Variants in TBK1 observed in about 807,000 individuals in gnomAD.
TBK1 encodes serine/threonine-protein kinase TBK1.
A neutral mutation model predicts 99.9 loss-of-function variants in TBK1; 37 were observed. The ratio of observed to expected loss-of-function variants is 0.37; its 90% confidence interval spans 0.28 to 0.49. TBK1 has a LOEUF of 0.49. Ranked by LOEUF, TBK1 falls within the 20% of genes least tolerant of loss-of-function variation. The pLI is 0.98. For missense variants in TBK1, 644 were observed against 872.5 expected (o/e 0.74, Z 3.30); for synonymous variants, 258 against 279.8 (o/e 0.92, Z 0.78).
intron 1 of TBK1, among the ~76,000 whole-genome samples, chr12:64,455,137 CACCAT>C (rs1254031737): frequency 6.6e-6 from 1 of 151,816 alleles, no homozygotes; most frequent in African/African-American, 2.4e-5. Context: ...AGGCACCTGC[CACCAT>C]ACCTGGCTAA....
intron 1 of TBK1, chr12:64,452,472 G>C (rs1012790687): frequency 1.7e-4 from 26 of 152,290 alleles, no homozygotes; most frequent in African/African-American, 4.8e-5. Context: ...GCGCCGCGCG[G>C]CCGGTCCTCG....
At chr12:64,484,714 T>G (rs2040801619) in intron 9 of TBK1, among the ~76,000 whole-genome samples, 1 of 152,100 alleles carries the variant, frequency 6.6e-6, no homozygotes, top group African/African-American at 2.4e-5. Context: ...ATTGCACCAC[T>G]GCACTCCAGC....
At chr12:64,464,584 A>G (rs945194779) in intron 4 of TBK1, 121 bp downstream of exon 4, 3 of 726,370 alleles carry the variant, frequency 4.1e-6, no homozygotes, top group Non-Finnish European at 5.9e-6. Context: ...TATGACACCA[A>G]AAGCACAAAT....
At chr12:64,493,095 C>T (rs932341502) in intron 13 of TBK1, among the ~76,000 whole-genome samples, 4 of 151,692 alleles carry the variant, frequency 2.6e-5, no homozygotes, top group East Asian at 2.0e-4. Context: ...GGGGTTTCAC[C>T]GTATTAGCCA....
chr12:64,457,383 G>A (rs753709049), intron 2 of TBK1, among the ~76,000 whole-genome samples: 6 of 152,108 alleles, frequency 3.9e-5, no homozygotes, highest in Non-Finnish European at 7.4e-5. Context: ...TGGGTACTCC[G>A]TCCTAGAAAT....
rs566737980 is a variant in TBK1 at position 64,462,588 on chromosome 12, G to GT, written c.229-1736dup. 3.6e-4 allele frequency among the ~76,000 whole-genome samples: 54 copies of GT among 148,792 alleles called. No homozygotes were observed. In the East Asian group the frequency reaches 4.3e-3, roughly 12 times the overall value. On this transcript the variant is annotated intron_variant, in intron 3 of 20. Coordinates refer to ENST00000331710, the MANE Select transcript of TBK1 (RefSeq NM_013254.4). ...CATACATTATCATTTAAAAGCAACAGTTTTTTTTTTCTACTATGATTATTT... is the reference window on the plus strand; with the variant it reads ...CATACATTATCATTTAAAAGCAACAGTTTTTTTTTTTCTACTATGATTATTT...
intron 2 of TBK1, among the ~76,000 whole-genome samples, 196 bp from the exon 3 acceptor site, chr12:64,459,993 G>A (rs1411031543): frequency 2.6e-5 from 4 of 152,154 alleles, no homozygotes; most frequent in Non-Finnish European, 2.9e-5. Flanking sequence ...GGTGTAATTT[G>A]AAAGAAATGT....
At chr12:64,487,989 T>A (rs530752601) in intron 11 of TBK1, among the ~76,000 whole-genome samples, 1 of 152,218 alleles carries the variant, frequency 6.6e-6, no homozygotes, top group Non-Finnish European at 1.5e-5. Flanking sequence ...GAAATACTCA[T>A]TGGAACATTT....
Position 64,496,935 on chromosome 12 carries a change from T to C in TBK1, c.1761-14T>C. 6.3e-7 allele frequency: 1 copy of C among 1,590,052 alleles called. No homozygotes were observed. The highest frequency in any genetic ancestry group is 8.6e-7 in the Non-Finnish European group (1 of 1,163,318). ...TGACATTGGTTTAAGCCTCTGATTA[T>C]TTCTAAATTACAGGCAAAAACTGTA... On this transcript the variant is annotated splice_polypyrimidine_tract_variant and intron_variant, in intron 16 of 20. Transcript: ENST00000331710.
chr12:64,452,363 C>T (rs1327162921), intron 1 of TBK1, 176 bp downstream of exon 1: 1 of 152,342 alleles, frequency 6.6e-6, no homozygotes. Context: ...CCAAGCCATC[C>T]AGGACCCCGG....
At position 64,460,305 on chromosome 12, in the gene TBK1, C is replaced by T. The variant is rs777037017; in HGVS notation, c.204C>T (p.Val68=). The T allele has an allele frequency of 1.3e-6, 2 of 1,565,568 alleles. No individual in the cohort carries two copies. Among genetic ancestry groups the T allele is most frequent in the Non-Finnish European group, 1.7e-6 (2 of 1,153,416 alleles). ...VLKKLNHKNI[V]KLFAIEEETT... is the part of the protein sequence containing the mutation. Reference sequence around the variant, plus strand: ...AAAAACTCAATCACAAAAATATTGTCAAATTATTTGCTATTGAAGAGGAGG... The same window carrying T: ...AAAAACTCAATCACAAAAATATTGTTAAATTATTTGCTATTGAAGAGGAGG... The change falls in exon 3 of 21, where the codon GTC becomes GTT. Residue 68 remains valine, a synonymous_variant. Coordinates refer to ENST00000331710, the MANE Select transcript of TBK1 (RefSeq NM_013254.4).
At chr12:64,466,359 G>GA (rs1049816723) in intron 4 of TBK1, among the ~76,000 whole-genome samples, 5 of 151,994 alleles carry the variant, frequency 3.3e-5, no homozygotes, top group African/African-American at 1.2e-4. Context: ...GAAAAAAGAA[G>GA]AAAAAATGGG....
At chr12:64,476,090 A>T in intron 6 of TBK1, among the ~76,000 whole-genome samples, 1 of 134,386 alleles carries the variant, frequency 7.4e-6, no homozygotes. Context: ...TGCAGTTTTG[A>T]TTTGCATCTC....
intron 11 of TBK1, among the ~76,000 whole-genome samples, chr12:64,487,075 T>A (rs978339180): frequency 2.0e-5 from 3 of 152,386 alleles, no homozygotes; most frequent in Non-Finnish European, 2.9e-5. Context: ...TTAAGTAGTT[T>A]CTTCCTGAAA....
chr12:64,455,722 C>T (rs2040479419), intron 1 of TBK1, 118 bp from the exon 2 acceptor site: 1 of 610,486 alleles, frequency 1.6e-6, no homozygotes. Flanking sequence ...ACTGTTTATA[C>T]ACTTCATGTC....
intron 13 of TBK1, among the ~76,000 whole-genome samples, chr12:64,494,233 G>T (rs889729458): frequency 1.3e-5 from 2 of 152,036 alleles, no homozygotes; most frequent in Admixed American, 6.6e-5. Flanking sequence ...AGGCCAAGGT[G>T]GGGGTAGACT....
intron 6 of TBK1, among the ~76,000 whole-genome samples, chr12:64,479,692 C>T (rs1439023366): frequency 6.6e-6 from 1 of 151,968 alleles, no homozygotes; most frequent in Non-Finnish European, 1.5e-5. Flanking sequence ...TGTGACACAA[C>T]TTATTTTGTG....
At chr12:64,464,774 T>C (rs543466546) in intron 4 of TBK1, among the ~76,000 whole-genome samples, 62 of 152,172 alleles carry the variant, frequency 4.1e-4, no homozygotes, top group African/African-American at 1.4e-3. Flanking sequence ...AATTTAAAAA[T>C]GGGCAAAGGA....
At chr12:64,488,143 T>G (rs1479110124) in intron 11 of TBK1, among the ~76,000 whole-genome samples, 1 of 152,186 alleles carries the variant, frequency 6.6e-6, no homozygotes, top group Non-Finnish European at 1.5e-5. Flanking sequence ...AATCAGACAG[T>G]AGTCTACTCT....
Sources: gnomAD v4.1 joint callset for allele counts (sites outside exome capture counted in the v4.1 genomes callset) on GRCh38, gnomAD v4.1.1 for gene constraint, MANE v1.5 for transcripts, NCBI Gene and HGNC (gene_info 2026-07-23, HGNC 2026-07-21) for gene names.